Variants in SDK1 observed in about 807,000 individuals in gnomAD.
SDK1 encodes protein sidekick-1.
In SDK1, 157 loss-of-function variants were observed where a neutral mutation model predicts 245.5. The observed-to-expected ratio is 0.64, with a 90% CI of 0.56 to 0.73. The LOEUF is 0.73. SDK1 is among the 30% of genes least tolerant of loss of function. SDK1 has a pLI of 0.00. For missense variants in SDK1, 3,583 were observed against 3,002.3 expected (o/e 1.19, Z -4.52); for synonymous variants, 1,647 against 1,278.5 (o/e 1.29, Z -6.15).
rs372594961 is a variant in SDK1 at position 3,526,063 on chromosome 7, T to A, written c.299-93017T>A. ...CAGCCTAACCAACATGCAGAAACCC[T>A]GTCTCTACTAAAAATACAAAATTAG... On this transcript the variant is annotated intron_variant, in intron 1 of 44. Transcript: ENST00000404826. Among the ~76,000 whole-genome samples the A allele has an allele frequency of 6.0e-4, 91 of 152,124 alleles. 2 individuals carry two copies. The South Asian group carries it at 0.019, about 31-fold the overall frequency.
At chr7:4,051,581 G>C in intron 18 of SDK1, 57 bp from the exon 19 acceptor site, 2 of 1,429,764 alleles carry the variant, frequency 1.4e-6, no homozygotes, top group Admixed American at 2.0e-5. Flanking sequence ...CTGCAGACAT[G>C]AGTGTGGAGA....
chr7:3,487,345 C>A (rs1781731468), intron 1 of SDK1, among the ~76,000 whole-genome samples: 1 of 152,048 alleles, frequency 6.6e-6, no homozygotes, highest in Non-Finnish European at 1.5e-5. Flanking sequence ...TATGGAAAAT[C>A]CTTATTTTTC....
At chr7:3,861,964 A>T (rs1780704270) in intron 5 of SDK1, among the ~76,000 whole-genome samples, 1 of 152,050 alleles carries the variant, frequency 6.6e-6, no homozygotes, top group African/African-American at 2.4e-5. Context: ...ATCCTAGAAG[A>T]CTCTAGTGAC....
At chr7:3,873,437 T>TTTTGTATTTGTTTTGTTTTGTTTTGTA (rs1360419399) in intron 5 of SDK1, among the ~76,000 whole-genome samples, 2 of 152,170 alleles carry the variant, frequency 1.3e-5, no homozygotes, top group Admixed American at 6.5e-5. Context: ...TTTTGTTTTG[T>TTTTGTATTTGTTTTGTTTTGTTTTGTA]TTTGTTTTGC....
chr7:4,156,544 G>T (rs556917423), intron 30 of SDK1, among the ~76,000 whole-genome samples: 2 of 152,318 alleles, frequency 1.3e-5, no homozygotes, highest in South Asian at 4.1e-4. Context: ...GGTTCTGGAG[G>T]GCTGCAGTGG....
chr7:4,008,833 A>G (rs527771849), intron 14 of SDK1, among the ~76,000 whole-genome samples: 2 of 152,316 alleles, frequency 1.3e-5, no homozygotes, highest in South Asian at 4.2e-4. Context: ...CCTTTTGGCT[A>G]CTGTGAATAA....
At chr7:3,405,813 T>TA (rs1779037099) in intron 1 of SDK1, among the ~76,000 whole-genome samples, 4 of 143,362 alleles carry the variant, frequency 2.8e-5, no homozygotes, top group South Asian at 2.3e-4. Flanking sequence ...TTTCTTTCTT[T>TA]CTTTTTTTTT....
intron 1 of SDK1, among the ~76,000 whole-genome samples, chr7:3,451,681 G>T (rs976668951): frequency 6.6e-6 from 1 of 152,190 alleles, no homozygotes; most frequent in East Asian, 1.9e-4. Context: ...GCCAATATTT[G>T]ATTAACAATA....
chr7:3,969,920 C>T (rs1396225544), intron 11 of SDK1, among the ~76,000 whole-genome samples: 2 of 152,214 alleles, frequency 1.3e-5, no homozygotes, highest in Non-Finnish European at 2.9e-5. Flanking sequence ...TAAGACACTT[C>T]TAATATACTA....
chr7:3,676,301 C>A, intron 4 of SDK1, among the ~76,000 whole-genome samples: 1 of 150,474 alleles, frequency 6.6e-6, no homozygotes, highest in East Asian at 1.9e-4. Context: ...TTACACGTAC[C>A]ACACCTGGCC....
At chr7:3,529,485 A>G (rs904047327) in intron 1 of SDK1, among the ~76,000 whole-genome samples, 3 of 152,334 alleles carry the variant, frequency 2.0e-5, no homozygotes, top group African/African-American at 2.4e-5. Flanking sequence ...ATTTTGGACA[A>G]TTTGAGCAAG....
intron 1 of SDK1, among the ~76,000 whole-genome samples, chr7:3,354,071 C>A (rs926243627): frequency 5.3e-5 from 8 of 151,424 alleles, no homozygotes; most frequent in African/African-American, 1.7e-4. Context: ...CGGCTCGCTG[C>A]AAGCTCCGCC....
intron 4 of SDK1, among the ~76,000 whole-genome samples, chr7:3,767,066 G>A (rs1435726723): frequency 1.3e-5 from 2 of 152,192 alleles, no homozygotes; most frequent in African/African-American, 4.8e-5. Flanking sequence ...TAGGGATTGT[G>A]TATCCAGCTG....
intron 1 of SDK1, among the ~76,000 whole-genome samples, chr7:3,339,841 A>T (rs1231895974): frequency 6.6e-6 from 1 of 152,104 alleles, no homozygotes; most frequent in Non-Finnish European, 1.5e-5. Flanking sequence ...AAACAAGCCT[A>T]AGCAAGCAGA....
rs1240017364 is a variant in SDK1, at chr7:4,074,886, G to GTATATA, written c.3011-2086_3011-2081dup. 5.3e-3 allele frequency among the ~76,000 whole-genome samples: 256 copies of GTATATA among 48,100 alleles called. 5 individuals are homozygous for GTATATA. Among genetic ancestry groups the GTATATA allele is most frequent in the Admixed American group, 6.3e-3 (23 of 3,632 alleles). The allele number at this position is 48,100 out of a possible 152,430, so 31.6% of individuals were successfully genotyped here. On this transcript the variant is annotated intron_variant, in intron 20 of 44. Coordinates refer to ENST00000404826, the MANE Select transcript of SDK1 (RefSeq NM_152744.4). ...TCTCTCTCTCTCTCTCTCTCTCTCT[G>GTATATA]TATATATATATATATATATATATAT...
intron 17 of SDK1, among the ~76,000 whole-genome samples, chr7:4,048,275 C>G (rs1789165424): frequency 6.6e-6 from 1 of 152,144 alleles, no homozygotes; most frequent in Admixed American, 6.5e-5. Flanking sequence ...TTCCTTCCAC[C>G]CAGTGGAAGC....
At chr7:3,552,276 T>C (rs1258291094) in intron 1 of SDK1, among the ~76,000 whole-genome samples, 6 of 152,132 alleles carry the variant, frequency 3.9e-5, no homozygotes, top group Non-Finnish European at 5.9e-5. Flanking sequence ...CTCCTGACCT[T>C]GTGATCCACC....
intron 14 of SDK1, among the ~76,000 whole-genome samples, chr7:4,007,674 G>T (rs928586050): frequency 6.6e-6 from 1 of 151,970 alleles, no homozygotes; most frequent in African/African-American, 2.4e-5. Context: ...GCGCGGTCTC[G>T]ACTCCCTACA....
intron 1 of SDK1, among the ~76,000 whole-genome samples, chr7:3,433,001 T>C (rs905956246): frequency 6.6e-6 from 1 of 152,222 alleles, no homozygotes; most frequent in African/African-American, 2.4e-5. Context: ...ATATTGGTGT[T>C]GAGGTTTCTA....
Sources: allele counts gnomAD v4.1 joint callset (sites outside exome capture counted in the v4.1 genomes callset), GRCh38; gene constraint gnomAD v4.1.1; transcripts MANE v1.5; gene names NCBI Gene and HGNC (gene_info 2026-07-23, HGNC 2026-07-21).